MOB2: variants seen among roughly 807,000 people sequenced by gnomAD.
The protein encoded by MOB2 is MOB2 Mps One Binder homolog.
A neutral mutation model predicts 27.4 loss-of-function variants in MOB2; 14 were observed. The ratio of observed to expected loss-of-function variants is 0.51; its 90% CI spans 0.34 to 0.80. The LOEUF (loss-of-function observed/expected upper bound fraction) is 0.80, where lower values mean the gene tolerates loss of function less well. Ranked by LOEUF, MOB2 falls within the 30% of genes least tolerant of loss-of-function variation. The pLI is 0.01. For missense variants in MOB2, 304 were observed against 354.6 expected (o/e 0.86, Z 1.15); for synonymous variants, 167 against 151.8 (o/e 1.10, Z -0.74).
intron 3 of MOB2, among the ~76,000 whole-genome samples, chr11:1,479,966 C>T (rs1403449709): frequency 6.6e-6 from 1 of 152,210 alleles, no homozygotes; most frequent in Non-Finnish European, 1.5e-5. Flanking sequence ...CAGCACCAGG[C>T]ATGTTGGATG....
chr11:1,481,739 CAGGG>C (rs1370518284), intron 1 of MOB2, among the ~76,000 whole-genome samples: 8 of 37,636 alleles, frequency 2.1e-4, no homozygotes, highest in South Asian at 8.4e-4. Flanking sequence ...GGGGCAGGGG[CAGGG>C]AGGGGCAGGG....
intron 3 of MOB2, among the ~76,000 whole-genome samples, chr11:1,476,467 T>A (rs1320717240): frequency 6.6e-6 from 1 of 152,238 alleles, no homozygotes; most frequent in Non-Finnish European, 1.5e-5. Context: ...TCCACAGGGT[T>A]TAGTGACACT....
chr11:1,482,088 G>A (rs1228333294), intron 1 of MOB2, among the ~76,000 whole-genome samples: 1 of 152,204 alleles, frequency 6.6e-6, no homozygotes, highest in Non-Finnish European at 1.5e-5. Context: ...GCACCTCCCT[G>A]CCCTGTGCTC....
chr11:1,478,856 C>T (rs1003332920), intron 3 of MOB2, among the ~76,000 whole-genome samples: 5 of 152,202 alleles, frequency 3.3e-5, no homozygotes, highest in African/African-American at 1.2e-4. Context: ...CCAGAGCCCT[C>T]ACACGACCCA....
intron 1 of MOB2, chr11:1,481,147 G>A (rs777938130): frequency 9.8e-6 from 6 of 613,048 alleles, no homozygotes; most frequent in Middle Eastern, 2.5e-4. Flanking sequence ...GCCCCTGCAC[G>A]GAGGGCATCC....
At chr11:1,477,165 C>T (rs549459315) in intron 3 of MOB2, among the ~76,000 whole-genome samples, 7 of 151,878 alleles carry the variant, frequency 4.6e-5, no homozygotes, top group African/African-American at 1.7e-4. Flanking sequence ...CTGCAATCCC[C>T]GGCGATCATG....
chr11:1,484,753 G>T (rs909816597), intron 1 of MOB2, among the ~76,000 whole-genome samples: 4 of 152,144 alleles, frequency 2.6e-5, no homozygotes, highest in African/African-American at 9.7e-5. Context: ...CCTGGGTGCT[G>T]ATCCCACTTC....
chr11:1,480,656 C>T, intron 2 of MOB2, 69 bp downstream of exon 2: 1 of 1,567,552 alleles, frequency 6.4e-7, no homozygotes, highest in Non-Finnish European at 8.7e-7. Flanking sequence ...CGTGGGGGTC[C>T]CCCTTGAGGA....
intron 1 of MOB2, among the ~76,000 whole-genome samples, chr11:1,482,841 A>T (rs983394076): frequency 2.0e-5 from 3 of 152,292 alleles, no homozygotes; most frequent in Admixed American, 2.0e-4. Flanking sequence ...CAACAGAGGG[A>T]CTTCCATGGG....
intron 2 of MOB2, 58 bp from the exon 3 acceptor site, chr11:1,480,544 C>G: frequency 1.3e-6 from 2 of 1,580,102 alleles, no homozygotes. Context: ...CCGCCCCGTC[C>G]ACCCCTGCTT....
intron 1 of MOB2, among the ~76,000 whole-genome samples, chr11:1,485,816 G>A (rs954821012): frequency 2.6e-5 from 4 of 152,222 alleles, no homozygotes; most frequent in Non-Finnish European, 5.9e-5. Flanking sequence ...GAGCTGAGTG[G>A]TGTGGGCAGG....
rs536769548 is a variant in MOB2 at position 1,483,360 on chromosome 11, C to G, written c.111-2475G>C. 9.2e-5 allele frequency among the ~76,000 whole-genome samples: 14 copies of G among 152,310 alleles called. No individual in the cohort carries two copies. The East Asian group carries it at 2.5e-3, about 27-fold the overall frequency. ...GCGCTGAAGGGACTGGGGAGTGGAC[C>G]CTGGACCTCAGCCCACCCACAGGGC... On this transcript the variant is annotated intron_variant, in intron 1 of 4. Coordinates refer to ENST00000329957, the MANE Select transcript of MOB2 (RefSeq NM_001172223.3).
At chr11:1,476,787 G>A (rs569906622) in intron 3 of MOB2, among the ~76,000 whole-genome samples, 1 of 152,272 alleles carries the variant, frequency 6.6e-6, no homozygotes, top group Non-Finnish European at 1.5e-5. Context: ...CTGACATGCT[G>A]TATTTTCCTG....
intron 3 of MOB2, 181 bp from the exon 4 acceptor site, chr11:1,471,600 C>T (rs1847792059): frequency 1.5e-6 from 1 of 675,264 alleles, no homozygotes; most frequent in Admixed American, 3.1e-5. Flanking sequence ...GGGGACCACA[C>T]TGCACTCTAT....
At chr11:1,470,765 G>A (rs1050052263) in intron 4 of MOB2, among the ~76,000 whole-genome samples, 1 of 152,142 alleles carries the variant, frequency 6.6e-6, no homozygotes, top group Admixed American at 6.5e-5. Context: ...GGGCCATCCT[G>A]GCCACCTCCT....
intron 4 of MOB2, 41 bp downstream of exon 4, chr11:1,471,254 C>T: frequency 6.3e-7 from 1 of 1,589,270 alleles, no homozygotes. Context: ...TGCTCCCTGC[C>T]CCACTGTGAG....
Position 1,470,236 on chromosome 11 carries a change from C to A in MOB2, c.743G>T (p.Gly248Val). Residue 248 changes from glycine to valine, a missense_variant, in exon 5 of 5, where the codon GGG (glycine) becomes GTG (valine). Coordinates refer to ENST00000329957, the MANE Select transcript of MOB2 (RefSeq NM_001172223.3). Reference protein sequence around the residue: ...LCSGAGGVHSGGSGDGAGSGG... With the variant: ...LCSGAGGVHSVGSGDGAGSGG... ...GCTGCCGGCCCCATCCCCACTGCCC[C>A]CACTGTGGACCCCGCCGGCCCCGCT... 3 of 1,612,538 alleles carry A rather than the reference C, an allele frequency of 1.9e-6. No individual in the cohort carries two copies. Among genetic ancestry groups the A allele is most frequent in the Non-Finnish European group, 2.5e-6 (3 of 1,179,838 alleles).
chr11:1,482,109 G>C (rs926013338), intron 1 of MOB2, among the ~76,000 whole-genome samples: 3 of 152,212 alleles, frequency 2.0e-5, no homozygotes, highest in African/African-American at 7.2e-5. Flanking sequence ...TCACAGCACA[G>C]CACACCACAC....
chr11:1,483,629 T>G (rs373549514), intron 1 of MOB2, among the ~76,000 whole-genome samples: 24 of 152,316 alleles, frequency 1.6e-4, no homozygotes, highest in Middle Eastern at 6.8e-3. Context: ...GTCTGCACCC[T>G]GTTTGTGGGC....
Sources: allele counts gnomAD v4.1 joint callset (sites outside exome capture counted in the v4.1 genomes callset), GRCh38; gene constraint gnomAD v4.1.1; transcripts MANE v1.5; gene names NCBI Gene and HGNC (gene_info 2026-07-23, HGNC 2026-07-21).